Variants in PDE7B observed in about 807,000 individuals in gnomAD.
The protein encoded by PDE7B is phosphodiesterase 7B.
A neutral mutation model predicts 56.2 loss-of-function variants in PDE7B; 29 were observed. That is an observed-to-expected ratio of 0.52 (90% CI 0.38 to 0.70). The LOEUF is 0.70. PDE7B is among the 30% of genes least tolerant of loss of function. The pLI is 0.00. For missense variants in PDE7B, 490 were observed against 565.0 expected (o/e 0.87, Z 1.35); for synonymous variants, 197 against 196.9 (o/e 1.00, Z 0.00).
chr6:136,187,906 C>A (rs909516311), intron 12 of PDE7B, among the ~76,000 whole-genome samples: 1 of 152,144 alleles, frequency 6.6e-6, no homozygotes, highest in African/African-American at 2.4e-5. Flanking sequence ...AATCCGAACT[C>A]AGAACTTTAA....
intron 2 of PDE7B, among the ~76,000 whole-genome samples, chr6:136,016,658 C>T (rs974673202): frequency 3.3e-5 from 5 of 152,088 alleles, no homozygotes; most frequent in African/African-American, 1.2e-4. Flanking sequence ...AGCTCCTGGT[C>T]TCACTGCTGC....
chr6:135,924,217 G>A (rs1774142186), intron 1 of PDE7B, among the ~76,000 whole-genome samples: 1 of 152,058 alleles, frequency 6.6e-6, no homozygotes, highest in African/African-American at 2.4e-5. Flanking sequence ...TAAAAAACAT[G>A]TAAAAATACA....
At chr6:136,006,503 A>C (rs184190866) in intron 2 of PDE7B, among the ~76,000 whole-genome samples, 114 of 152,282 alleles carry the variant, frequency 7.5e-4, no homozygotes, top group Admixed American at 2.1e-3. Flanking sequence ...TTCTTTGGGA[A>C]GCATGGCCAT....
chr6:135,956,970 C>T (rs1212234303), intron 2 of PDE7B, among the ~76,000 whole-genome samples: 1 of 151,980 alleles, frequency 6.6e-6, no homozygotes, highest in Non-Finnish European at 1.5e-5. Context: ...CAAAGTCTGC[C>T]GTCAGGAAGG....
intron 2 of PDE7B, among the ~76,000 whole-genome samples, chr6:135,988,163 T>C (rs77042737): frequency 6.6e-6 from 1 of 152,204 alleles, no homozygotes; most frequent in East Asian, 1.9e-4. Flanking sequence ...CCACAGTTCC[T>C]TATCATTAAG....
intron 2 of PDE7B, among the ~76,000 whole-genome samples, chr6:136,103,730 G>A (rs1248947853): frequency 1.3e-5 from 2 of 151,964 alleles, no homozygotes; most frequent in African/African-American, 2.4e-5. Context: ...CCCATATTCC[G>A]TGCAACCTGT....
chr6:135,937,971 GT>G (rs1387503019), intron 1 of PDE7B, among the ~76,000 whole-genome samples: 2 of 152,198 alleles, frequency 1.3e-5, no homozygotes, highest in African/African-American at 4.8e-5. Context: ...CCCCATTATG[GT>G]TTTAGGGTAT....
At chr6:135,854,955 C>G (rs1390108932) in intron 1 of PDE7B, among the ~76,000 whole-genome samples, 1 of 152,164 alleles carries the variant, frequency 6.6e-6, no homozygotes, top group Non-Finnish European at 1.5e-5. Context: ...TCTACTTTCT[C>G]AAGAATCATT....
intron 1 of PDE7B, among the ~76,000 whole-genome samples, chr6:135,934,823 TAATA>T (rs71006779): frequency 0.049 from 3,664 of 75,074 alleles, 98 homozygotes; most frequent in East Asian, 0.085. Context: ...TATATATATT[TAATA>T]AATAAATATA....
At chr6:136,007,335 T>A (rs1235569448) in intron 2 of PDE7B, among the ~76,000 whole-genome samples, 1 of 152,206 alleles carries the variant, frequency 6.6e-6, no homozygotes, top group South Asian at 2.1e-4. Context: ...GATTTTTACG[T>A]CAGTGTTCAT....
At chr6:136,038,142 C>T (rs761029517) in intron 2 of PDE7B, 15 of 1,300,556 alleles carry the variant, frequency 1.2e-5, no homozygotes, top group Admixed American at 2.3e-5. Flanking sequence ...GAGGATCTTA[C>T]GGGGGTTCGC....
intron 1 of PDE7B, among the ~76,000 whole-genome samples, chr6:135,920,609 G>C (rs1261158781): frequency 6.6e-6 from 1 of 152,100 alleles, no homozygotes; most frequent in Admixed American, 6.6e-5. Flanking sequence ...CGATGTTTCA[G>C]AAAAAGAGTC....
chr6:136,178,381 G>A, intron 9 of PDE7B, among the ~76,000 whole-genome samples: 1 of 151,958 alleles, frequency 6.6e-6, no homozygotes, highest in East Asian at 1.9e-4. Flanking sequence ...TATATGTGAG[G>A]GAAAGCTCCA....
intron 8 of PDE7B, among the ~76,000 whole-genome samples, chr6:136,166,047 C>T (rs905507657): frequency 5.3e-5 from 8 of 152,196 alleles, no homozygotes; most frequent in African/African-American, 1.9e-4. Context: ...CCAATTACTA[C>T]AGCACTTACA....
intron 1 of PDE7B, among the ~76,000 whole-genome samples, chr6:135,897,584 T>C (rs1775925099): frequency 6.6e-6 from 1 of 152,142 alleles, no homozygotes; most frequent in Non-Finnish European, 1.5e-5. Flanking sequence ...GCAGAAGGCT[T>C]TAAGATTCTA....
At chr6:135,900,123 A>G (rs1215755546) in intron 1 of PDE7B, among the ~76,000 whole-genome samples, 1 of 151,990 alleles carries the variant, frequency 6.6e-6, no homozygotes. Flanking sequence ...AAAAAACATT[A>G]TCTTTTAAAA....
intron 2 of PDE7B, among the ~76,000 whole-genome samples, chr6:136,035,669 A>C (rs1776315091): frequency 6.6e-6 from 1 of 152,202 alleles, no homozygotes; most frequent in Admixed American, 6.5e-5. Context: ...GAAAATGTGA[A>C]ATGGTGATGG....
chr6:136,038,630 G>A, intron 2 of PDE7B: 1 of 898,418 alleles, frequency 1.1e-6, no homozygotes, highest in Non-Finnish European at 1.5e-6. Context: ...GAACTGTGTA[G>A]CATCAGGTCT....
At chr6:136,110,366 G>A (rs902292401) in intron 3 of PDE7B, among the ~76,000 whole-genome samples, 3 of 152,096 alleles carry the variant, frequency 2.0e-5, no homozygotes, top group African/African-American at 7.2e-5. Flanking sequence ...GGATTTCCAG[G>A]TCCTAGGCAT....
Sources: gnomAD v4.1 joint callset for allele counts (sites outside exome capture counted in the v4.1 genomes callset) on GRCh38, gnomAD v4.1.1 for gene constraint, MANE v1.5 for transcripts, NCBI Gene and HGNC (gene_info 2026-07-23, HGNC 2026-07-21) for gene names.